PPP1R9A: variants seen among roughly 807,000 people sequenced by gnomAD.
PPP1R9A encodes the protein neurabin-1.
Under a neutral mutation model 141.9 loss-of-function variants are expected in PPP1R9A, and 59 were observed. That is an observed-to-expected ratio of 0.42 (90% CI 0.34 to 0.52). The LOEUF (loss-of-function observed/expected upper bound fraction) is 0.52. Among genes scored for constraint, PPP1R9A ranks in the 20% least tolerant of loss-of-function variants. The probability of loss-of-function intolerance (pLI) is 0.10; values close to 1 mark genes in which losing one functional copy is unlikely to be tolerated. For missense variants in PPP1R9A, 1,444 were observed against 1,611.9 expected (o/e 0.90, Z 1.78); for synonymous variants, 500 against 569.7 (o/e 0.88, Z 1.74).
At chr7:95,236,229 A>G (rs1015834319) in intron 8 of PPP1R9A, among the ~76,000 whole-genome samples, 3 of 152,176 alleles carry the variant, frequency 2.0e-5, no homozygotes, top group Admixed American at 2.0e-4. Flanking sequence ...ATTTTCAGAA[A>G]TTACTTTTAT....
chr7:95,059,746 G>A (rs75001349), intron 2 of PPP1R9A, among the ~76,000 whole-genome samples: 4,112 of 152,192 alleles, frequency 0.027, 182 homozygotes, highest in African/African-American at 0.094. Context: ...AAGGAACTTC[G>A]TAGCTCAATA....
chr7:95,053,589 G>A (rs1335751442), intron 2 of PPP1R9A, among the ~76,000 whole-genome samples: 1 of 152,214 alleles, frequency 6.6e-6, no homozygotes, highest in Non-Finnish European at 1.5e-5. Context: ...TTTGAACTAT[G>A]ATGGGAGAGG....
chr7:94,935,087 A>G (rs1357307690), intron 2 of PPP1R9A, among the ~76,000 whole-genome samples: 1 of 152,196 alleles, frequency 6.6e-6, no homozygotes, highest in Non-Finnish European at 1.5e-5. Context: ...GAGAATAATT[A>G]GTGCAGTGGT....
intron 2 of PPP1R9A, among the ~76,000 whole-genome samples, chr7:95,093,149 G>T (rs1817582776): frequency 6.6e-6 from 1 of 152,012 alleles, no homozygotes; most frequent in Non-Finnish European, 1.5e-5. Context: ...CTCGGGAGAG[G>T]ACAGGCACCA....
chr7:94,979,521 A>C (rs2151306921), intron 2 of PPP1R9A, among the ~76,000 whole-genome samples: 1 of 152,350 alleles, frequency 6.6e-6, no homozygotes, highest in Admixed American at 6.5e-5. Context: ...CAGTAATTTT[A>C]GGTTATTTCT....
rs145878994 is a variant in PPP1R9A at position 94,926,700 on chromosome 7, A to G, written c.1395+15192A>G. Among the ~76,000 whole-genome samples, 5 of 152,088 alleles carry G rather than the reference A, an allele frequency of 3.3e-5. No homozygotes were observed. In the East Asian group the frequency reaches 5.8e-4, roughly 18 times the overall value. ...GTTTTTTTTCAGTGGTTAGAGAGGA[A>G]TTACTTTTTTGGGGTCATTTCTGTC... On this transcript the variant is annotated intron_variant, in intron 2 of 19. Coordinates refer to ENST00000433360, the MANE Select transcript of PPP1R9A (RefSeq NM_001166160.2).
chr7:94,941,732 G>T (rs1325860237), intron 2 of PPP1R9A, among the ~76,000 whole-genome samples: 1 of 151,644 alleles, frequency 6.6e-6, no homozygotes, highest in Non-Finnish European at 1.5e-5. Flanking sequence ...TTTAAATCTT[G>T]ATTTTTGTAT....
chr7:94,968,559 C>T (rs1486733461), intron 2 of PPP1R9A, among the ~76,000 whole-genome samples: 1 of 152,096 alleles, frequency 6.6e-6, no homozygotes, highest in Non-Finnish European at 1.5e-5. Flanking sequence ...AATATTCTTC[C>T]ATCTCTTTAT....
intron 2 of PPP1R9A, among the ~76,000 whole-genome samples, chr7:95,041,135 G>C (rs1468916867): frequency 6.6e-6 from 1 of 152,196 alleles, no homozygotes; most frequent in Non-Finnish European, 1.5e-5. Context: ...TTGGGAAAGG[G>C]AACAGGAGGG....
At chr7:95,102,580 G>A (rs1457054206) in intron 2 of PPP1R9A, among the ~76,000 whole-genome samples, 1 of 152,178 alleles carries the variant, frequency 6.6e-6, no homozygotes, top group Non-Finnish European at 1.5e-5. Context: ...CTTACATGTG[G>A]GCCCCATGCA....
chr7:95,233,648 G>T (rs1256059550), intron 8 of PPP1R9A, among the ~76,000 whole-genome samples: 2 of 152,128 alleles, frequency 1.3e-5, no homozygotes, highest in Non-Finnish European at 2.9e-5. Flanking sequence ...AAAAGACAGA[G>T]AAAGAGGGAA....
At chr7:95,279,677 AT>A (rs1319365566) in intron 16 of PPP1R9A, among the ~76,000 whole-genome samples, 3 of 152,216 alleles carry the variant, frequency 2.0e-5, no homozygotes, top group Non-Finnish European at 4.4e-5. Context: ...ACGTCCCAAT[AT>A]AGTTATCAAA....
intron 2 of PPP1R9A, among the ~76,000 whole-genome samples, chr7:95,074,672 C>T (rs938826635): frequency 1.2e-4 from 18 of 151,974 alleles, no homozygotes; most frequent in African/African-American, 4.3e-4. Context: ...TGGGGTTTCT[C>T]CATGTTGGTC....
intron 2 of PPP1R9A, among the ~76,000 whole-genome samples, chr7:94,952,095 TA>T (rs1462156937): frequency 6.6e-6 from 1 of 152,060 alleles, no homozygotes. Context: ...CTTCTAAGGT[TA>T]TCCCTCCCCT....
chr7:95,232,124 A>G (rs1030926817), intron 8 of PPP1R9A, among the ~76,000 whole-genome samples: 25 of 152,170 alleles, frequency 1.6e-4, no homozygotes, highest in African/African-American at 5.3e-4. Flanking sequence ...TTACACGCAT[A>G]AACTAGAAAA....
intron 2 of PPP1R9A, among the ~76,000 whole-genome samples, chr7:95,084,568 A>C (rs114039595): frequency 0.027 from 4,168 of 152,010 alleles, 253 homozygotes; most frequent in African/African-American, 0.096. Context: ...CTAATATAAA[A>C]TCGTTTTGTA....
intron 2 of PPP1R9A, among the ~76,000 whole-genome samples, chr7:94,991,293 T>C (rs1801475265): frequency 6.6e-6 from 1 of 152,240 alleles, no homozygotes; most frequent in South Asian, 2.1e-4. Flanking sequence ...TGAGCATTTT[T>C]TCCTAAATTG....
In PPP1R9A at chr7:95,227,095, G is replaced by C. The variant is rs146593482; in HGVS notation, c.2112+979G>C. On this transcript the variant is annotated intron_variant, in intron 8 of 19. Coordinates refer to ENST00000433360, the MANE Select transcript of PPP1R9A (RefSeq NM_001166160.2). ...AGGTCTGCAGAAAGTGGCTGAGTGG[G>C]AGAAAGAGGTGTAATCTAGTTACCT... Among the ~76,000 whole-genome samples, 13 of 152,304 alleles carry C rather than the reference G, an allele frequency of 8.5e-5. No individual in the cohort carries two copies. In the East Asian group the frequency reaches 2.5e-3, roughly 29 times the overall value.
chr7:94,910,233 T>A lies in PPP1R9A; in HGVS notation c.120T>A (p.Asp40Glu), dbSNP rs192085164. ...GTACCTTTGACAAACCCAAGTCAGA[T>A]GGGGAACAAAAAACAAAAGAAGGTG... is the stretch of plus-strand genomic sequence containing the variant. The part of the protein sequence containing the change: ...LKSTFDKPKS[D>E]GEQKTKEGEG... Residue 40 changes from aspartate (D) to glutamate (E), a missense_variant, in exon 2 of 20, where the codon GAT becomes GAA. Asp to Glu is a conservative substitution (Grantham distance 45). Coordinates refer to ENST00000433360, the MANE Select transcript of PPP1R9A (RefSeq NM_001166160.2). This position sits in a 1 kb window ranked among gnomAD's most constrained non-coding sequence, Gnocchi z 4.5. 1 of 1,613,778 alleles carries A rather than the reference T, an allele frequency of 6.2e-7. No individual in the cohort carries two copies. Among genetic ancestry groups the A allele is most frequent in the East Asian group, 2.2e-5 (1 of 44,868 alleles).
Sources: gnomAD v4.1 joint callset for allele counts (sites outside exome capture counted in the v4.1 genomes callset) on GRCh38, gnomAD v4.1.1 for gene constraint, Gnocchi (gnomAD v3.1) non-coding constraint, MANE v1.5 for transcripts, NCBI Gene and HGNC (gene_info 2026-07-23, HGNC 2026-07-21) for gene names.